The following NTRK2 variants were observed in gnomAD, a reference collection of about 807,000 sequenced individuals.
NTRK2 encodes the protein neurotrophic receptor tyrosine kinase 2.
Under a neutral mutation model 94.5 loss-of-function variants are expected in NTRK2, and 13 were observed. That is an observed-to-expected ratio of 0.14 (90% CI 0.09 to 0.22). NTRK2 has a LOEUF of 0.22. Among genes scored for constraint, NTRK2 ranks in the 10% least tolerant of loss-of-function variants. The probability of loss-of-function intolerance (pLI) is 1.00; values close to 1 mark genes in which losing one functional copy is unlikely to be tolerated. For synonymous variants in NTRK2, 372 were observed against 407.4 expected, an observed-to-expected ratio of 0.91 and a Z score of 1.05; for missense variants, 639 against 1,071.2, an observed-to-expected ratio of 0.60 and a Z score of 5.63.
intron 2 of NTRK2, among the ~76,000 whole-genome samples, chr9:84,676,625 A>C (rs1035201477): frequency 6.6e-6 from 1 of 152,160 alleles, no homozygotes; most frequent in Non-Finnish European, 1.5e-5. Context: ...CATTGTGGGA[A>C]CTAGAAGCTC....
Position 84,881,962 on chromosome 9 carries a change from A to T in NTRK2, c.1633+14531A>T, listed in dbSNP as rs560224163. ...GGAAATATACATATTTCTCTCATTG[A>T]ATTTACACAATAGTCATATGGTGGG... On this transcript the variant is annotated intron_variant, in intron 14 of 18. Coordinates refer to ENST00000277120, the MANE Select transcript of NTRK2 (RefSeq NM_006180.6). Among the ~76,000 whole-genome samples the T allele has an allele frequency of 1.4e-4, 21 of 152,318 alleles. No homozygotes were observed. In the South Asian group the frequency reaches 3.9e-3, roughly 29 times the overall value.
intron 17 of NTRK2, among the ~76,000 whole-genome samples, chr9:84,975,168 C>G (rs1826671540): frequency 6.6e-6 from 1 of 152,136 alleles, no homozygotes; most frequent in African/African-American, 2.4e-5. Flanking sequence ...GAGGAGTGGA[C>G]AGCAAGACAT....
intron 15 of NTRK2, among the ~76,000 whole-genome samples, chr9:84,940,126 G>A (rs1412137893): frequency 6.6e-6 from 1 of 152,048 alleles, no homozygotes; most frequent in Non-Finnish European, 1.5e-5. Flanking sequence ...TGAAAGTTGG[G>A]GTCCACTCTA....
intron 14 of NTRK2, among the ~76,000 whole-genome samples, chr9:84,932,080 C>T (rs1249425534): frequency 6.6e-6 from 1 of 152,070 alleles, no homozygotes; most frequent in Admixed American, 6.6e-5. Context: ...CATGAATTAT[C>T]GGGGGGAAAG....
At position 84,889,532 on chromosome 9, in the gene NTRK2, C is replaced by T. The variant is rs188791462; in HGVS notation, c.1633+22101C>T. 2.4e-3 allele frequency among the ~76,000 whole-genome samples: 368 copies of T among 152,300 alleles called. 5 individuals are homozygous for T. In the South Asian group the frequency reaches 0.033, roughly 14 times the overall value. ...GGTTCAAGTGATTCTCATGCCTCAG[C>T]CTCCTGAGTAGATGGGATTCCAGGT... is the stretch of plus-strand genomic sequence containing the variant. On this transcript the variant is annotated intron_variant, in intron 14 of 18. Coordinates refer to ENST00000277120, the MANE Select transcript of NTRK2 (RefSeq NM_006180.6).
At chr9:84,875,463 C>T in intron 14 of NTRK2, 1 of 1,062,546 alleles carries the variant, frequency 9.4e-7, no homozygotes, top group Non-Finnish European at 1.1e-6. Context: ...CATTTAGGGT[C>T]ATCACTCCAG....
At chr9:84,948,089 A>G (rs2078660649) in intron 15 of NTRK2, among the ~76,000 whole-genome samples, 1 of 152,242 alleles carries the variant, frequency 6.6e-6, no homozygotes, top group Non-Finnish European at 1.5e-5. Flanking sequence ...GAATCATAAC[A>G]TAAAGTTTTT....
intron 12 of NTRK2, among the ~76,000 whole-genome samples, chr9:84,762,558 C>A (rs534254153): frequency 2.6e-5 from 4 of 152,152 alleles, no homozygotes; most frequent in Non-Finnish European, 5.9e-5. Context: ...AATCGTTTAT[C>A]CCTCACATTA....
At chr9:84,765,308 T>C (rs1040417828) in intron 12 of NTRK2, among the ~76,000 whole-genome samples, 9 of 152,188 alleles carry the variant, frequency 5.9e-5, no homozygotes, top group African/African-American at 1.9e-4. Flanking sequence ...AAACATCTCA[T>C]GTACCCCATA....
At chr9:84,713,030 G>GA (rs1232432560) in intron 6 of NTRK2, among the ~76,000 whole-genome samples, 6 of 152,220 alleles carry the variant, frequency 3.9e-5, no homozygotes, top group East Asian at 1.9e-4. Flanking sequence ...GTTTGCACAT[G>GA]AAAAAATGGC....
At chr9:84,695,912 A>G (rs2060348482) in intron 2 of NTRK2, among the ~76,000 whole-genome samples, 1 of 152,202 alleles carries the variant, frequency 6.6e-6, no homozygotes, top group South Asian at 2.1e-4. Context: ...TTCAAGATAA[A>G]GAATTGCTGG....
intron 14 of NTRK2, among the ~76,000 whole-genome samples, chr9:84,930,987 G>T (rs1042616573): frequency 1.8e-4 from 28 of 152,218 alleles, no homozygotes; most frequent in African/African-American, 6.5e-4. Flanking sequence ...CTTGTCTGTG[G>T]TTATCATTAT....
Position 85,020,203 on chromosome 9 carries a change from C to T in NTRK2, c.2173-3C>T, listed in dbSNP as rs186316051. 2.5e-6 allele frequency: 4 copies of T among 1,614,094 alleles called. No individual in the cohort carries two copies. The African/African-American group carries it at 5.3e-5, about 22-fold the overall frequency. On this transcript the variant is annotated splice_region_variant and splice_polypyrimidine_tract_variant and intron_variant, in intron 17 of 18. Transcript: ENST00000277120. ...GCCTCCCTGTTGATCCCTTTCTCCC[C>T]AGGTCGGTGGCCACACAATGCTGCC... is the stretch of plus-strand genomic sequence containing the variant.
intron 14 of NTRK2, among the ~76,000 whole-genome samples, chr9:84,917,254 G>A (rs1641929347): frequency 6.6e-6 from 1 of 152,190 alleles, no homozygotes. Flanking sequence ...CTCTTTCAAA[G>A]TTGTTTTTTA....
intron 12 of NTRK2, among the ~76,000 whole-genome samples, chr9:84,777,420 G>A (rs2067156172): frequency 6.6e-6 from 1 of 152,196 alleles, no homozygotes; most frequent in Non-Finnish European, 1.5e-5. Flanking sequence ...GGGTTATCAT[G>A]CAAAACAGTT....
At chr9:84,828,871 A>T (rs1264919183) in intron 12 of NTRK2, among the ~76,000 whole-genome samples, 1 of 152,222 alleles carries the variant, frequency 6.6e-6, no homozygotes, top group Non-Finnish European at 1.5e-5. Context: ...GTCAAATGGA[A>T]TGCTACATGC....
At chr9:84,911,792 T>C (rs922887021) in intron 14 of NTRK2, among the ~76,000 whole-genome samples, 5 of 152,114 alleles carry the variant, frequency 3.3e-5, no homozygotes, top group African/African-American at 9.6e-5. Context: ...TCCTTTTCTC[T>C]GCTTGTTTTG....
At chr9:84,734,073 C>A (rs115414689) in intron 9 of NTRK2, among the ~76,000 whole-genome samples, 43 of 152,132 alleles carry the variant, frequency 2.8e-4, no homozygotes, top group Non-Finnish European at 4.3e-4. Context: ...ATGATCTTTG[C>A]GGCTTTGAGC....
At chr9:84,757,472 A>G (rs1156819849) in intron 12 of NTRK2, among the ~76,000 whole-genome samples, 1 of 152,196 alleles carries the variant, frequency 6.6e-6, no homozygotes, top group Non-Finnish European at 1.5e-5. Context: ...CTAGCTATCT[A>G]CTACATTCCA....
Sources: gnomAD v4.1 joint callset for allele counts (sites outside exome capture counted in the v4.1 genomes callset) on GRCh38, gnomAD v4.1.1 for gene constraint, MANE v1.5 for transcripts, NCBI Gene and HGNC (gene_info 2026-07-23, HGNC 2026-07-21) for gene names.